Variants in SDK2 observed in about 807,000 individuals in gnomAD.
The protein encoded by SDK2 is protein sidekick-2.
Under a neutral mutation model 253.9 loss-of-function variants are expected in SDK2, and 105 were observed. The observed-to-expected ratio is 0.41, with a 90% CI of 0.35 to 0.49. The LOEUF is 0.49. Among genes scored for constraint, SDK2 ranks in the 20% least tolerant of loss-of-function variants. The pLI is 0.06. For synonymous variants in SDK2, 1,249 were observed against 1,234.9 expected, an observed-to-expected ratio of 1.01 and a Z score of -0.24; for missense variants, 2,608 against 3,003.0, an observed-to-expected ratio of 0.87 and a Z score of 3.07.
intron 32 of SDK2, among the ~76,000 whole-genome samples, chr17:73,385,513 T>C (rs1160888382): frequency 6.6e-6 from 1 of 152,036 alleles, no homozygotes; most frequent in Non-Finnish European, 1.5e-5. Flanking sequence ...CTAATACACC[T>C]GGCCCTGCCA....
chr17:73,467,705 T>A lies in SDK2; in HGVS notation c.331+4407A>T, dbSNP rs2063612303. Reference sequence around the variant, plus strand: ...AAACCTTCCTTAGCTTGTCAGGAACTGCGTTCTTCTCAAGGGTCGGAAGGA... The same window carrying A: ...AAACCTTCCTTAGCTTGTCAGGAACAGCGTTCTTCTCAAGGGTCGGAAGGA... On this transcript the variant is annotated intron_variant, in intron 3 of 44. Coordinates refer to ENST00000392650, the MANE Select transcript of SDK2 (RefSeq NM_001144952.2). This position sits in a 1 kb window ranked among gnomAD's most constrained non-coding sequence, Gnocchi z 4.1. Among the ~76,000 whole-genome samples, 1 of 152,198 alleles carries A rather than the reference T, an allele frequency of 6.6e-6. No homozygotes were observed. Among genetic ancestry groups the A allele is most frequent in the Non-Finnish European group, 1.5e-5 (1 of 68,030 alleles).
Position 73,447,594 on chromosome 17 carries a change from C to T in SDK2, c.613+21G>A, listed in dbSNP as rs1352168874. The T allele has an allele frequency of 1.3e-6, 2 of 1,551,828 alleles. No individual in the cohort carries two copies. Among genetic ancestry groups the T allele is most frequent in the East Asian group, 2.4e-5 (1 of 40,910 alleles). ...TTTAATGGCCCGCTCCAAGATCGGTCCCGGCCCTGTGCGTACTTACTCTCC... is the reference window on the plus strand; with the variant it reads ...TTTAATGGCCCGCTCCAAGATCGGTTCCGGCCCTGTGCGTACTTACTCTCC... On this transcript the variant is annotated intron_variant, in intron 5 of 44. Transcript: ENST00000392650. The surrounding 1 kb of genome is among the most constrained non-coding windows in gnomAD (Gnocchi z 4.0).
At chr17:73,412,169 C>T (rs368788823) in intron 18 of SDK2, among the ~76,000 whole-genome samples, 89 of 128,438 alleles carry the variant, frequency 6.9e-4, no homozygotes, top group South Asian at 3.9e-3. Flanking sequence ...TATGTATATA[C>T]ACATATATGT....
chr17:73,554,949 A>G (rs2045120778), intron 1 of SDK2, among the ~76,000 whole-genome samples: 2 of 152,214 alleles, frequency 1.3e-5, no homozygotes, highest in Admixed American at 1.3e-4. Flanking sequence ...TTCCATCTTC[A>G]GGAGCCCTCG....
At chr17:73,358,332 T>A in intron 39 of SDK2, 128 bp from the exon 40 acceptor site, 1 of 1,268,928 alleles carries the variant, frequency 7.9e-7, no homozygotes, top group Non-Finnish European at 1.1e-6. Flanking sequence ...CAGGAAGCCC[T>A]GCAAATGTCG....
In SDK2 at chr17:73,632,112, G is replaced by T. The variant is rs144710463; in HGVS notation, c.64+11913C>A. On this transcript the variant is annotated intron_variant, in intron 1 of 44. Coordinates refer to ENST00000392650, the MANE Select transcript of SDK2 (RefSeq NM_001144952.2). ...TATCCTCACTCCCACCACCCTTAAG[G>T]CATGGCCATAGGCCAGCCATAGCAG... Among the ~76,000 whole-genome samples the T allele has an allele frequency of 1.3e-3, 193 of 152,350 alleles. 1 individual carries two copies. Among genetic ancestry groups the T allele is most frequent in the African/African-American group, 3.7e-3 (155 of 41,588 alleles).
At chr17:73,408,054 T>C (rs1321549246) in intron 18 of SDK2, among the ~76,000 whole-genome samples, 3 of 127,134 alleles carry the variant, frequency 2.4e-5, no homozygotes, top group Non-Finnish European at 5.3e-5. Context: ...TTCCTTTTTT[T>C]TTTTTTTTTT....
chr17:73,433,524 G>T (rs968099618), intron 10 of SDK2, among the ~76,000 whole-genome samples: 1 of 152,094 alleles, frequency 6.6e-6, no homozygotes, highest in Non-Finnish European at 1.5e-5. Flanking sequence ...CTGACCTCAG[G>T]GTGATCTGCC....
chr17:73,350,451 G>C, intron 42 of SDK2, 76 bp from the exon 43 acceptor site: 1 of 1,535,112 alleles, frequency 6.5e-7, no homozygotes, highest in Non-Finnish European at 8.8e-7. Flanking sequence ...ACCTGGCTGG[G>C]TTATCCCCTC....
At chr17:73,460,793 A>G (rs555045332) in intron 3 of SDK2, among the ~76,000 whole-genome samples, 1 of 152,378 alleles carries the variant, frequency 6.6e-6, no homozygotes, top group South Asian at 2.1e-4. Flanking sequence ...GGCTCTGTCT[A>G]TAAAAAATTA....
At chr17:73,508,166 C>T (rs1025767151) in intron 1 of SDK2, among the ~76,000 whole-genome samples, 1 of 152,260 alleles carries the variant, frequency 6.6e-6, no homozygotes, top group Non-Finnish European at 1.5e-5. Context: ...GCCAGCCTGC[C>T]TCTACCTCCC....
chr17:73,368,310 G>T, intron 37 of SDK2, 97 bp downstream of exon 37: 1 of 1,137,366 alleles, frequency 8.8e-7, no homozygotes, highest in Non-Finnish European at 1.2e-6. Context: ...TAAGGCAGCT[G>T]CCCCCATGCC....
chr17:73,489,267 G>A (rs1365508448), intron 2 of SDK2, among the ~76,000 whole-genome samples: 1 of 152,192 alleles, frequency 6.6e-6, no homozygotes, highest in South Asian at 2.1e-4. Flanking sequence ...GACAATAGTG[G>A]TCAGTTCCCT....
chr17:73,637,079 C>T (rs2046341631), intron 1 of SDK2, among the ~76,000 whole-genome samples: 1 of 152,166 alleles, frequency 6.6e-6, no homozygotes, highest in South Asian at 2.1e-4. Context: ...CACTTCTTAA[C>T]AGCTTAAGGG....
chr17:73,600,794 C>T (rs1249328720), intron 1 of SDK2, among the ~76,000 whole-genome samples: 2 of 152,176 alleles, frequency 1.3e-5, no homozygotes, highest in African/African-American at 2.4e-5. Context: ...CACTCCCCAC[C>T]GGATACCCTT....
In SDK2 at chr17:73,631,427, G is replaced by C. The variant is rs1310041429; in HGVS notation, c.64+12598C>G. Among the ~76,000 whole-genome samples, 3 of 152,258 alleles carry C rather than the reference G, an allele frequency of 2.0e-5. No homozygotes were observed. The East Asian group carries it at 5.8e-4, about 29-fold the overall frequency. Reference sequence around the variant, plus strand: ...TGGGGTTGACCGAGCAATCAGGTCTGAGCACCGGGCACCGTCTCAGGGCAG... The same window carrying C: ...TGGGGTTGACCGAGCAATCAGGTCTCAGCACCGGGCACCGTCTCAGGGCAG... On this transcript the variant is annotated intron_variant, in intron 1 of 44. Transcript: ENST00000392650.
chr17:73,390,536 G>A, intron 28 of SDK2, 55 bp from the exon 29 acceptor site: 1 of 1,525,706 alleles, frequency 6.6e-7, no homozygotes, highest in Middle Eastern at 1.7e-4. Context: ...CGCTCCTAGG[G>A]CCCCGGGAAG....
At chr17:73,595,948 TGGAGAAG>T (rs780363948) in intron 1 of SDK2, among the ~76,000 whole-genome samples, 2,009 of 152,266 alleles carry the variant, frequency 0.013, 40 homozygotes, top group Admixed American at 0.062. Flanking sequence ...GGCGGCCTGA[TGGAGAAG>T]CCCTTGACAC....
At position 73,507,438 on chromosome 17, in the gene SDK2, C is replaced by T; in HGVS notation, c.224G>A (p.Arg75Lys). The T allele has an allele frequency of 6.5e-7, 1 of 1,550,260 alleles. No homozygotes were observed. The highest frequency in any genetic ancestry group is 8.7e-7 in the Non-Finnish European group (1 of 1,146,118). ...RELTKFSLEY[R>K]YMITSLDRTH... ...GGAAGGGCGGGGAGGGGCAGTTTAC[C>T]TGTATTCCAGGGAGAACTTGGTCAG... The change falls in exon 2 of 45, where the codon AGA becomes AAA. Residue 75 changes from arginine (R) to lysine (K), a missense_variant and splice_region_variant. Transcript: ENST00000392650.
Sources: gnomAD v4.1 joint callset for allele counts (sites outside exome capture counted in the v4.1 genomes callset) on GRCh38, gnomAD v4.1.1 for gene constraint, Gnocchi (gnomAD v3.1) non-coding constraint, MANE v1.5 for transcripts, NCBI Gene and HGNC (gene_info 2026-07-23, HGNC 2026-07-21) for gene names.